The following POR variants were observed in gnomAD, a reference collection of about 807,000 sequenced individuals.
POR encodes NADPH--cytochrome P450 reductase.
In POR, 56 loss-of-function variants were observed where a neutral mutation model predicts 84.0. That is an observed-to-expected ratio of 0.67 (90% CI 0.54 to 0.83). The LOEUF (loss-of-function observed/expected upper bound fraction) is 0.83. POR is among the 40% of genes least tolerant of loss of function. The probability of loss-of-function intolerance (pLI) is 0.00; values close to 1 mark genes in which losing one functional copy is unlikely to be tolerated. For synonymous variants in POR, 414 were observed against 400.5 expected (o/e 1.03, Z -0.40); for missense variants, 938 against 944.3 (o/e 0.99, Z 0.09).
intron 2 of POR, among the ~76,000 whole-genome samples, chr7:75,960,041 C>T (rs1190658490): frequency 2.0e-5 from 3 of 152,038 alleles, no homozygotes; most frequent in African/African-American, 7.2e-5. Context: ...TGGAATCCCA[C>T]ACTTCAGGAG....
chr7:75,922,904 G>C, intron 1 of POR: 3 of 639,362 alleles, frequency 4.7e-6, no homozygotes, highest in Admixed American at 2.4e-5. Flanking sequence ...AGGTTTAAAC[G>C]ACTGGAATCA....
At chr7:75,931,867 A>G (rs1005055604) in intron 1 of POR, among the ~76,000 whole-genome samples, 1 of 152,202 alleles carries the variant, frequency 6.6e-6, no homozygotes, top group Non-Finnish European at 1.5e-5. Flanking sequence ...GTCTTCCACC[A>G]GAAAAGCTGA....
At chr7:75,982,513 GAGCTCACTT>G (rs1251417290) in intron 8 of POR, among the ~76,000 whole-genome samples, 191 bp downstream of exon 8, 1 of 152,224 alleles carries the variant, frequency 6.6e-6, no homozygotes, top group East Asian at 1.9e-4. Context: ...AGTTTGTACT[GAGCTCACTT>G]AGCCACCTTA....
chr7:75,983,902 G>T (rs1554558596), intron 10 of POR, 46 bp downstream of exon 10: 1 of 1,464,550 alleles, frequency 6.8e-7, no homozygotes, highest in Non-Finnish European at 9.3e-7. Context: ...GGCAGCCGCG[G>T]GATTGGGCCT....
At chr7:75,915,942 AC>A (rs1424921475) in intron 1 of POR, among the ~76,000 whole-genome samples, 1 of 152,178 alleles carries the variant, frequency 6.6e-6, no homozygotes, top group Non-Finnish European at 1.5e-5. Flanking sequence ...TAAACTGGTG[AC>A]CACTAATAAG....
chr7:75,940,107 G>A (rs998107951), intron 1 of POR, among the ~76,000 whole-genome samples: 7 of 150,384 alleles, frequency 4.7e-5, no homozygotes, highest in East Asian at 2.0e-4. Flanking sequence ...TTATTGAGAC[G>A]GAGTCTCACT....
At chr7:75,926,799 A>C (rs2116242302) in intron 1 of POR, among the ~76,000 whole-genome samples, 1 of 152,170 alleles carries the variant, frequency 6.6e-6, no homozygotes, top group Middle Eastern at 3.4e-3. Flanking sequence ...ACTCTGTCTC[A>C]AAAAAACAAA....
At chr7:75,951,406 TAAAA>T (rs1218298476) in intron 1 of POR, among the ~76,000 whole-genome samples, 2 of 151,042 alleles carry the variant, frequency 1.3e-5, no homozygotes, top group Admixed American at 6.6e-5. Flanking sequence ...AAAAATAAAA[TAAAA>T]AAGAAAGAAA....
chr7:75,922,943 A>G (rs1806949041), intron 1 of POR: 2 of 675,712 alleles, frequency 3.0e-6, no homozygotes, highest in East Asian at 2.6e-5. Flanking sequence ...CGGCAGAAAC[A>G]TGACAAGGTG....
intron 1 of POR, among the ~76,000 whole-genome samples, chr7:75,933,394 T>G (rs1424575698): frequency 3.2e-4 from 36 of 112,246 alleles, no homozygotes; most frequent in African/African-American, 1.3e-3. Flanking sequence ...TTTTTTTTTT[T>G]TTTTTTTTTT....
At chr7:75,937,396 T>C (rs111642235) in intron 1 of POR, among the ~76,000 whole-genome samples, 11,280 of 136,606 alleles carry the variant, frequency 0.083, 1,311 homozygotes, top group African/African-American at 0.27. Flanking sequence ...TGCTTGAACC[T>C]GGGAGGCGGA....
intron 1 of POR, chr7:75,947,006 G>A (rs1000355212): frequency 1.3e-5 from 2 of 152,332 alleles, no homozygotes; most frequent in South Asian, 4.1e-4. Flanking sequence ...GGACGCTCAA[G>A]TCTGTTGAAC....
At chr7:75,933,024 GAAAAAAAA>G (rs782591942) in intron 1 of POR, among the ~76,000 whole-genome samples, 1 of 92,676 alleles carries the variant, frequency 1.1e-5, no homozygotes, top group Non-Finnish European at 2.3e-5. Context: ...GACTCCATCT[GAAAAAAAA>G]AAAAAAAGGA....
intron 3 of POR, 143 bp from the exon 4 acceptor site, chr7:75,979,308 G>C: frequency 1.0e-6 from 1 of 971,930 alleles, no homozygotes; most frequent in South Asian, 1.7e-5. Context: ...GCAAGTCCCA[G>C]AGGAACTTAG....
chr7:75,946,944 A>C (rs1554552192), intron 1 of POR: 1 of 152,186 alleles, frequency 6.6e-6, no homozygotes, highest in African/African-American at 2.4e-5. Flanking sequence ...GTGGCTCCCA[A>C]ACTGTGCCAG....
At chr7:75,982,373 C>T (rs1274102216) in intron 8 of POR, 51 bp downstream of exon 8, 5 of 1,432,402 alleles carry the variant, frequency 3.5e-6, no homozygotes, top group African/African-American at 1.4e-5. Context: ...GCCACTGGTG[C>T]ACCCCAGGCT....
At chr7:75,974,524 CTTTTTTTTTTT>C (rs1238804117) in intron 3 of POR, among the ~76,000 whole-genome samples, 3 of 107,914 alleles carry the variant, frequency 2.8e-5, no homozygotes, top group African/African-American at 1.1e-4. Flanking sequence ...TTTTTCTTTT[CTTTTTTTTTTT>C]TTTTTTTTTG....
intron 1 of POR, among the ~76,000 whole-genome samples, chr7:75,918,972 G>C (rs1250968107): frequency 6.6e-6 from 1 of 151,752 alleles, no homozygotes; most frequent in Non-Finnish European, 1.5e-5. Context: ...AAAGGTCAGG[G>C]CTATGTGACT....
chr7:75,958,411 C>T (rs1585109287), intron 2 of POR, among the ~76,000 whole-genome samples: 1 of 152,060 alleles, frequency 6.6e-6, no homozygotes, highest in Non-Finnish European at 1.5e-5. Context: ...AGCCACCATG[C>T]CTGGAGTGTG....
Sources: allele counts gnomAD v4.1 joint callset (sites outside exome capture counted in the v4.1 genomes callset), GRCh38; gene constraint gnomAD v4.1.1; transcripts MANE v1.5; gene names NCBI Gene and HGNC (gene_info 2026-07-23, HGNC 2026-07-21).